C5orf22: variants seen among roughly 807,000 people sequenced by gnomAD.
C5orf22 encodes the protein UPF0489 protein C5orf22.
A neutral mutation model predicts 48.7 loss-of-function variants in C5orf22; 36 were observed. The ratio of observed to expected loss-of-function variants is 0.74; its 90% CI spans 0.57 to 0.98. C5orf22 has a LOEUF of 0.98. Among genes scored for constraint, C5orf22 ranks in the 50% least tolerant of loss-of-function variants. The pLI is 0.00. For missense variants in C5orf22, 486 were observed against 521.9 expected, an observed-to-expected ratio of 0.93 and a Z score of 0.67; for synonymous variants, 141 against 180.8, an observed-to-expected ratio of 0.78 and a Z score of 1.76.
chr5:31,540,945 C>A lies in C5orf22; in HGVS notation c.808-4C>A. On this transcript the variant is annotated splice_region_variant and splice_polypyrimidine_tract_variant and intron_variant, in intron 4 of 8. Coordinates refer to ENST00000325366, the MANE Select transcript of C5orf22 (RefSeq NM_018356.3). The stretch of plus-strand genomic sequence containing the variant: ...GTATGTGGATTTTTTGTTTTGTTTT[C>A]CAGGAAGAGTACAAAATCTTACAAG... 2 of 1,597,998 alleles carry A rather than the reference C, an allele frequency of 1.3e-6. No homozygotes were observed. The highest frequency in any genetic ancestry group is 1.4e-5 in the African/African-American group (1 of 73,942).
intron 6 of C5orf22, among the ~76,000 whole-genome samples, chr5:31,544,398 A>G (rs1381488519): frequency 6.6e-6 from 1 of 152,134 alleles, no homozygotes; most frequent in African/African-American, 2.4e-5. Flanking sequence ...CCTGGCTAAC[A>G]CGGTGAAACC....
intron 7 of C5orf22, among the ~76,000 whole-genome samples, chr5:31,546,350 T>G (rs1257734932): frequency 6.6e-6 from 1 of 152,246 alleles, no homozygotes; most frequent in Non-Finnish European, 1.5e-5. Flanking sequence ...GGGCTAAGAC[T>G]TCCAAGTCTC....
chr5:31,554,664 G>A lies in C5orf22; in HGVS notation c.*1762G>A, dbSNP rs980016572. On this transcript the variant is annotated 3_prime_UTR_variant, in exon 9 of 9. Transcript: ENST00000325366. ...GTTAAAGGGTATGTTTTGAACTATA[G>A]CACTAATTAATGTGTGTGATCCTAG... is the stretch of plus-strand genomic sequence containing the variant. 3.3e-5 allele frequency: 5 copies of A among 152,176 alleles called. No homozygotes were observed. Among genetic ancestry groups the A allele is most frequent in the African/African-American group, 1.2e-4 (5 of 41,442 alleles). The allele number at this position is 152,176 out of a possible 1,614,324, so 9.4% of individuals were successfully genotyped here.
At position 31,553,361 on chromosome 5, in the gene C5orf22, T is replaced by G. The variant is rs2150083376; in HGVS notation, c.*459T>G. 1 of 153,600 alleles carries G rather than the reference T, an allele frequency of 6.5e-6. No homozygotes were observed. Among genetic ancestry groups the G allele is most frequent in the East Asian group, 1.9e-4 (1 of 5,224 alleles). 9.5% of individuals were successfully genotyped at this position (153,600 alleles called of 1,614,324 possible). A position where few individuals can be genotyped will look rare whatever the true frequency, so the allele number is the denominator to read the frequency against. On this transcript the variant is annotated 3_prime_UTR_variant, in exon 9 of 9. Transcript: ENST00000325366. ...TTAGGGGAGACAGATGAGAAGTAAA[T>G]TACGGGTTATGAGAAATGTTATGAA...
intron 3 of C5orf22, 146 bp downstream of exon 3, chr5:31,536,039 C>G (rs1036474074): frequency 2.8e-6 from 2 of 708,072 alleles, no homozygotes; most frequent in African/African-American, 3.7e-5. Flanking sequence ...ACACGAAGAA[C>G]AAACTTTTAA....
At chr5:31,537,517 A>G (rs1224806757) in intron 3 of C5orf22, among the ~76,000 whole-genome samples, 2 of 152,200 alleles carry the variant, frequency 1.3e-5, no homozygotes, top group Non-Finnish European at 2.9e-5. Context: ...GGGAGAGGTC[A>G]AGTGGGAAAT....
chr5:31,553,933 A>G lies in C5orf22; in HGVS notation c.*1031A>G, dbSNP rs1743445595. 1 of 152,128 alleles carries G rather than the reference A, an allele frequency of 6.6e-6. No homozygotes were observed. The highest frequency in any genetic ancestry group is 2.4e-5 in the African/African-American group (1 of 41,426). 9.4% of individuals were successfully genotyped at this position (152,128 alleles called of 1,614,324 possible). Reference sequence around the variant, plus strand: ...AAGTCTAGATTGATACTTTTTTCAGATAAACCAGCTTTTTATGTAAAGAGT... The same window carrying G: ...AAGTCTAGATTGATACTTTTTTCAGGTAAACCAGCTTTTTATGTAAAGAGT... On this transcript the variant is annotated 3_prime_UTR_variant, in exon 9 of 9. Coordinates refer to ENST00000325366, the MANE Select transcript of C5orf22 (RefSeq NM_018356.3).
intron 6 of C5orf22, among the ~76,000 whole-genome samples, chr5:31,542,319 G>A (rs1004507330): frequency 3.8e-4 from 57 of 151,792 alleles, no homozygotes; most frequent in African/African-American, 1.4e-3. Context: ...AATTAGCCGG[G>A]CATAGTGGTG....
rs1302049615 is a variant in C5orf22 at position 31,547,206 on chromosome 5, C to T, written c.1059+1494C>T. Among the ~76,000 whole-genome samples, 4 of 152,384 alleles carry T rather than the reference C, an allele frequency of 2.6e-5. No individual in the cohort carries two copies. In the East Asian group the frequency reaches 5.8e-4, roughly 22 times the overall value. On this transcript the variant is annotated intron_variant, in intron 7 of 8. Coordinates refer to ENST00000325366, the MANE Select transcript of C5orf22 (RefSeq NM_018356.3). ...AACGATCGTCTTTGACTCCATGTCT[C>T]ACATCCAGGTCACGCTGATGCAAGA...
rs1743256712 is a variant in C5orf22 at position 31,551,419 on chromosome 5, G to A, written c.1186G>A (p.Val396Met). The change falls in exon 8 of 9, where the codon GTG (valine) becomes ATG (methionine). Residue 396 changes from valine (V) to methionine (M), a missense_variant. Around this residue, in one of 3 missense-constraint regions of C5orf22, gnomAD observed 408 missense variants for 444.0 expected, o/e 0.92. Transcript: ENST00000325366. Reference protein sequence around the residue: ...LLKNLPNPTLVTIARSSLDDY... With the variant: ...LLKNLPNPTLMTIARSSLDDY... ...GAAAAATTTACCAAATCCTACTCTT[G>A]TGACAATTGCAAGGTAAGTGTGTTC... 2 of 1,610,980 alleles carry A rather than the reference G, an allele frequency of 1.2e-6. No individual in the cohort carries two copies. The highest frequency in any genetic ancestry group is 2.2e-5 in the East Asian group (1 of 44,802).
chr5:31,536,944 A>G (rs535975230), intron 3 of C5orf22, among the ~76,000 whole-genome samples: 4 of 152,274 alleles, frequency 2.6e-5, no homozygotes, highest in African/African-American at 9.6e-5. Flanking sequence ...ATGATACTTT[A>G]TTTCTAATTT....
Position 31,549,873 on chromosome 5 carries a change from T to C in C5orf22, c.1060-1420T>C, listed in dbSNP as rs546519682. 9.3e-4 allele frequency among the ~76,000 whole-genome samples: 141 copies of C among 152,260 alleles called. No individual in the cohort carries two copies. The South Asian group carries it at 0.011, about 12-fold the overall frequency. On this transcript the variant is annotated intron_variant, in intron 7 of 8. Coordinates refer to ENST00000325366, the MANE Select transcript of C5orf22 (RefSeq NM_018356.3). ...CAACAGAGTGAGACTTTGTGTCAAATTTAAAAAGAGAAAGAAAATGCTTTG... is the reference window on the plus strand; with the variant it reads ...CAACAGAGTGAGACTTTGTGTCAAACTTAAAAAGAGAAAGAAAATGCTTTG...
chr5:31,545,957 GTT>G (rs1742855280), intron 7 of C5orf22, among the ~76,000 whole-genome samples: 1 of 152,072 alleles, frequency 6.6e-6, no homozygotes, highest in African/African-American at 2.4e-5. Flanking sequence ...AGTCCTGTGT[GTT>G]TTTTGTAATT....
chr5:31,550,595 C>T (rs1743191044), intron 7 of C5orf22, among the ~76,000 whole-genome samples: 1 of 151,540 alleles, frequency 6.6e-6, no homozygotes, highest in African/African-American at 2.4e-5. Flanking sequence ...GACGGAGTTT[C>T]GCTCTTGTTG....
At chr5:31,547,786 C>G (rs1307550212) in intron 7 of C5orf22, among the ~76,000 whole-genome samples, 1 of 152,194 alleles carries the variant, frequency 6.6e-6, no homozygotes, top group Non-Finnish European at 1.5e-5. Flanking sequence ...ATTTTTTCCT[C>G]CTAAATCTTC....
Position 31,552,782 on chromosome 5 carries a change from GGAT to G in C5orf22, c.1213_1215del (p.Asp405del). 6.2e-7 allele frequency: 1 copy of G among 1,613,162 alleles called. No homozygotes were observed. The highest frequency in any genetic ancestry group is 8.5e-7 in the Non-Finnish European group (1 of 1,179,376). On this transcript the variant is annotated inframe_deletion, in exon 9 of 9. Transcript: ENST00000325366. ...TTTCTGTTGGTTCTAGGTCAAGTCTGGATGATTACTGTCCTTCTGACCAAGTTG... is the reference window on the plus strand; with the variant it reads ...TTTCTGTTGGTTCTAGGTCAAGTCTGGATTACTGTCCTTCTGACCAAGTTG...
Position 31,548,806 on chromosome 5 carries a change from G to C in C5orf22, c.1060-2487G>C, listed in dbSNP as rs111375490. The stretch of plus-strand genomic sequence containing the variant: ...ATTTACAAAAGAAAGAGATTTAATG[G>C]ACTTAGTGTTCCACATGATTGGAGA... On this transcript the variant is annotated intron_variant, in intron 7 of 8. Transcript: ENST00000325366. The C allele has an allele frequency of 1.9e-3, 522 of 272,676 alleles. 1 individual carries two copies. The highest frequency in any genetic ancestry group is 2.8e-3 in the Non-Finnish European group (395 of 140,816). 16.9% of individuals were successfully genotyped at this position (272,676 alleles called of 1,614,324 possible).
intron 4 of C5orf22, among the ~76,000 whole-genome samples, chr5:31,539,049 C>T (rs1742291750): frequency 6.6e-6 from 1 of 151,930 alleles, no homozygotes; most frequent in Admixed American, 6.6e-5. Context: ...GTTCTGTATT[C>T]CTGGATTTAA....
rs745675913 is a variant in C5orf22 at position 31,534,295 on chromosome 5, C to G, written c.105C>G (p.Ala35=). The change falls in exon 2 of 9, where the codon GCC becomes GCG. Residue 35 remains alanine, a synonymous_variant. Transcript: ENST00000325366. ...HQEVLPFIYR[A]IGSKHLPASN... ...AGGTTCTACCCTTTATATACCGGGCCATAGGCTCAAAGCATCTTCCTGCCA... is the reference window on the plus strand; with the variant it reads ...AGGTTCTACCCTTTATATACCGGGCGATAGGCTCAAAGCATCTTCCTGCCA... 2 of 1,613,788 alleles carry G rather than the reference C, an allele frequency of 1.2e-6. No homozygotes were observed. The highest frequency in any genetic ancestry group is 1.1e-5 in the South Asian group (1 of 91,044).
Sources: gnomAD v4.1 joint callset for allele counts (sites outside exome capture counted in the v4.1 genomes callset) on GRCh38, gnomAD v4.1.1 for gene constraint, gnomAD v4.1.1 regional missense constraint, MANE v1.5 for transcripts, NCBI Gene and HGNC (gene_info 2026-07-23, HGNC 2026-07-21) for gene names.